Variants in MYLK observed in about 807,000 individuals in gnomAD.
MYLK encodes myosin light chain kinase, smooth muscle.
In MYLK, 106 loss-of-function variants were observed where a neutral mutation model predicts 203.4. That is an observed-to-expected ratio of 0.52 (90% confidence interval 0.45 to 0.61). The LOEUF is 0.61. Ranked by LOEUF, MYLK falls within the 20% of genes least tolerant of loss-of-function variation. The probability of loss-of-function intolerance (pLI) is 0.00; values close to 1 mark genes in which losing one functional copy is unlikely to be tolerated. For missense variants in MYLK, 2,072 were observed against 2,442.3 expected, an observed-to-expected ratio of 0.85 and a Z score of 3.20; for synonymous variants, 867 against 959.5, an observed-to-expected ratio of 0.90 and a Z score of 1.78.
rs1378370521 is a variant in MYLK, at chr3:123,664,165, T to C, written c.3925A>G (p.Thr1309Ala). ...CCCAGCTTGTTCTCCACCAGCAGTG[T>C]GTAGCAGCCGCAGTGCTCCTGGCGC... Reference protein sequence around the residue: ...AARQEHCGCYTLLVENKLGSR... With the variant: ...AARQEHCGCYALLVENKLGSR... Residue 1309 changes from threonine (T) to alanine (A), a missense_variant, in exon 23 of 34, where the codon ACA becomes GCA. By Grantham distance (58) the Thr-to-Ala change is moderately conservative. Coordinates refer to ENST00000360304, the MANE Select transcript of MYLK (RefSeq NM_053025.4). 1 of 1,614,104 alleles carries C rather than the reference T, an allele frequency of 6.2e-7. No homozygotes were observed. The highest frequency in any genetic ancestry group is 8.5e-7 in the Non-Finnish European group (1 of 1,179,990).
rs2062717894 is a variant in MYLK at position 123,737,503 on chromosome 3, GAC to G, written c.627_628del (p.Ser210Ter). ...CAGAACCTGCATGCCGTTCTTCTCA[GAC>G]ACAGACACACGGGCACTCGGCTGCA... On this transcript the variant is annotated frameshift_variant, in exon 8 of 34. Coordinates refer to ENST00000360304, the MANE Select transcript of MYLK (RefSeq NM_053025.4). LOFTEE classifies it high-confidence loss of function. The G allele has an allele frequency of 2.5e-6, 4 of 1,614,074 alleles. No homozygotes were observed. The highest frequency in any genetic ancestry group is 1.3e-5 in the African/African-American group (1 of 74,914).
intron 5 of MYLK, among the ~76,000 whole-genome samples, chr3:123,742,819 C>T (rs563161615): frequency 6.6e-6 from 1 of 152,226 alleles, no homozygotes; most frequent in South Asian, 2.1e-4. Context: ...ACACGTGGTA[C>T]AACATGGATG....
chr3:123,651,813 C>T (rs113334844), intron 24 of MYLK, among the ~76,000 whole-genome samples: 78 of 152,360 alleles, frequency 5.1e-4, no homozygotes, highest in African/African-American at 1.7e-3. Context: ...GCCTCACCTT[C>T]GCCTCTCACC....
At chr3:123,833,521 C>A (rs1340019023) in intron 2 of MYLK, among the ~76,000 whole-genome samples, 4 of 44,358 alleles carry the variant, frequency 9.0e-5, no homozygotes, top group East Asian at 4.5e-3. Flanking sequence ...CAGTTCCCTA[C>A]CCTGCCCCAT....
chr3:123,755,327 G>A (rs997504813), intron 4 of MYLK, among the ~76,000 whole-genome samples: 2 of 152,194 alleles, frequency 1.3e-5, no homozygotes, highest in African/African-American at 2.4e-5. Context: ...CATTGCAAAC[G>A]TTCCAGACCT....
At chr3:123,651,760 C>T (rs1267715268) in intron 24 of MYLK, among the ~76,000 whole-genome samples, 1 of 152,214 alleles carries the variant, frequency 6.6e-6, no homozygotes, top group Non-Finnish European at 1.5e-5. Flanking sequence ...AGGTAGACAG[C>T]CACAGGGCCA....
In MYLK at chr3:123,657,115, T is replaced by C; in HGVS notation, c.4288+11A>G. ...TTGTTTCAAGCCACTGATGAAGTGA[T>C]GGCAGCCTACCTTCAGGTTTCTCTC... On this transcript the variant is annotated intron_variant, in intron 24 of 33. Transcript: ENST00000360304. 1 of 1,614,204 alleles carries C rather than the reference T, an allele frequency of 6.2e-7. No individual in the cohort carries two copies.
At chr3:123,711,032 A>T (rs1397021765) in intron 13 of MYLK, among the ~76,000 whole-genome samples, 2 of 152,086 alleles carry the variant, frequency 1.3e-5, no homozygotes, top group Non-Finnish European at 2.9e-5. Context: ...TTGAGGCTGC[A>T]GTAAGCCATG....
intron 33 of MYLK, among the ~76,000 whole-genome samples, chr3:123,615,329 A>T (rs1244598337): frequency 6.6e-6 from 1 of 150,988 alleles, no homozygotes; most frequent in Non-Finnish European, 1.5e-5. Flanking sequence ...TGAAAATACA[A>T]TTTTCTTTTT....
intron 3 of MYLK, among the ~76,000 whole-genome samples, chr3:123,803,614 T>C (rs192155941): frequency 1.1e-3 from 172 of 152,208 alleles, no homozygotes; most frequent in African/African-American, 3.9e-3. Flanking sequence ...GTAGGAAAGG[T>C]TCCAGCAGGG....
At chr3:123,739,198 A>C in intron 6 of MYLK, 136 bp from the exon 7 acceptor site, 1 of 999,366 alleles carries the variant, frequency 1.0e-6, no homozygotes, top group African/African-American at 1.6e-5. Context: ...TGCCTCAGAA[A>C]CTTTCTCATG....
At chr3:123,774,303 T>C (rs1221158543) in intron 4 of MYLK, among the ~76,000 whole-genome samples, 3 of 152,146 alleles carry the variant, frequency 2.0e-5, no homozygotes, top group Non-Finnish European at 2.9e-5. Context: ...GAGGTTACAA[T>C]ACTTTTGCAG....
chr3:123,859,638 T>A (rs1024096636), intron 2 of MYLK, among the ~76,000 whole-genome samples: 2 of 152,192 alleles, frequency 1.3e-5, no homozygotes, highest in African/African-American at 4.8e-5. Context: ...TATACCACTA[T>A]CATATGAAGA....
chr3:123,692,887 G>T (rs1218722296), intron 18 of MYLK, 36 bp from the exon 19 acceptor site: 1 of 1,565,938 alleles, frequency 6.4e-7, no homozygotes, highest in East Asian at 2.2e-5. Context: ...ACCAGGTGTG[G>T]TCGTAGTACC....
chr3:123,662,580 T>G (rs1241103757), intron 23 of MYLK, among the ~76,000 whole-genome samples: 1 of 152,182 alleles, frequency 6.6e-6, no homozygotes, highest in Non-Finnish European at 1.5e-5. Flanking sequence ...ACAAGAGACC[T>G]TAAGAGTCAA....
At chr3:123,774,886 C>T (rs546202565) in intron 4 of MYLK, among the ~76,000 whole-genome samples, 17 of 152,158 alleles carry the variant, frequency 1.1e-4, no homozygotes, top group East Asian at 7.7e-4. Flanking sequence ...TTTGTTTATG[C>T]GCTGGATAAA....
chr3:123,697,244 G>A (rs995950906), intron 18 of MYLK, among the ~76,000 whole-genome samples: 6 of 152,184 alleles, frequency 3.9e-5, no homozygotes, highest in African/African-American at 1.4e-4. Flanking sequence ...AAAACACTGG[G>A]CTCTTGAAGT....
chr3:123,643,764 C>A (rs1327324763), intron 27 of MYLK, among the ~76,000 whole-genome samples: 2 of 152,280 alleles, frequency 1.3e-5, no homozygotes, highest in Admixed American at 6.5e-5. Context: ...TTGGCTAGCT[C>A]TCATAGGAAG....
intron 2 of MYLK, among the ~76,000 whole-genome samples, chr3:123,847,766 G>A (rs937336110): frequency 3.9e-5 from 6 of 152,092 alleles, no homozygotes; most frequent in African/African-American, 1.4e-4. Flanking sequence ...TACTTAATCA[G>A]AATGTAAATA....
Sources: gnomAD v4.1 joint callset for allele counts (sites outside exome capture counted in the v4.1 genomes callset) on GRCh38, gnomAD v4.1.1 for gene constraint, MANE v1.5 for transcripts, NCBI Gene and HGNC (gene_info 2026-07-23, HGNC 2026-07-21) for gene names.